SLC10A7: variants seen among roughly 807,000 people sequenced by gnomAD.
The protein encoded by SLC10A7 is sodium/bile acid cotransporter 7.
In SLC10A7, 29 loss-of-function variants were observed where a neutral mutation model predicts 43.2. The observed-to-expected ratio is 0.67, with a 90% CI of 0.50 to 0.92. The LOEUF (loss-of-function observed/expected upper bound fraction) is 0.92. SLC10A7 is among the 40% of genes least tolerant of loss of function. SLC10A7 has a pLI of 0.00. For missense variants in SLC10A7, 295 were observed against 403.2 expected (o/e 0.73, Z 2.30); for synonymous variants, 152 against 144.8 (o/e 1.05, Z -0.35).
At chr4:146,421,596 C>A (rs1403057715) in intron 5 of SLC10A7, among the ~76,000 whole-genome samples, 4 of 152,190 alleles carry the variant, frequency 2.6e-5, no homozygotes, top group Non-Finnish European at 4.4e-5. Context: ...TTCCACCAGC[C>A]ACCAAGAATG....
chr4:146,452,702 A>G (rs943633167), intron 4 of SLC10A7, among the ~76,000 whole-genome samples: 4 of 152,088 alleles, frequency 2.6e-5, no homozygotes, highest in Non-Finnish European at 4.4e-5. Context: ...AACATACCAC[A>G]GAAAAGTAAA....
chr4:146,470,372 A>G (rs1733454179), intron 4 of SLC10A7, among the ~76,000 whole-genome samples: 1 of 151,224 alleles, frequency 6.6e-6, no homozygotes, highest in South Asian at 2.1e-4. Flanking sequence ...ATAAATGTAC[A>G]TACGTATATA....
chr4:146,318,406 T>C (rs536695788), intron 6 of SLC10A7, among the ~76,000 whole-genome samples: 14 of 152,218 alleles, frequency 9.2e-5, no homozygotes, highest in African/African-American at 2.9e-4. Context: ...ACTGAAGTAG[T>C]TGATCACTCT....
chr4:146,506,963 CAAGGA>C (rs1317558817), intron 3 of SLC10A7, among the ~76,000 whole-genome samples: 1 of 152,006 alleles, frequency 6.6e-6, no homozygotes, highest in African/African-American at 2.4e-5. Flanking sequence ...GTATAATTGA[CAAGGA>C]AATATTATAA....
At chr4:146,321,366 G>C (rs1292764027) in intron 6 of SLC10A7, among the ~76,000 whole-genome samples, 1 of 152,002 alleles carries the variant, frequency 6.6e-6, no homozygotes, top group Non-Finnish European at 1.5e-5. Context: ...TTCCACCTGT[G>C]TGTCTCTACC....
chr4:146,469,812 T>C (rs538980417), intron 4 of SLC10A7, among the ~76,000 whole-genome samples: 19 of 152,114 alleles, frequency 1.2e-4, no homozygotes, highest in Middle Eastern at 3.4e-3. Flanking sequence ...AATTTTTTTG[T>C]AGAGATGAGG....
chr4:146,483,613 A>G (rs1734672378), intron 4 of SLC10A7, among the ~76,000 whole-genome samples: 1 of 152,158 alleles, frequency 6.6e-6, no homozygotes, highest in Non-Finnish European at 1.5e-5. Flanking sequence ...GTAAGTCCTT[A>G]CCTATCTCTA....
chr4:146,256,851 T>C (rs1727919662), intron 11 of SLC10A7: 4 of 1,536,018 alleles, frequency 2.6e-6, no homozygotes, highest in Middle Eastern at 1.7e-4. Context: ...TTGGTATTTA[T>C]TTTAATGCCC....
intron 5 of SLC10A7, among the ~76,000 whole-genome samples, chr4:146,327,344 A>G (rs1051101826): frequency 3.9e-5 from 6 of 152,376 alleles, no homozygotes; most frequent in African/African-American, 1.4e-4. Context: ...TTATTAAAAC[A>G]GGTATTGTGG....
chr4:146,482,537 G>A (rs1734566252), intron 4 of SLC10A7, among the ~76,000 whole-genome samples: 1 of 151,434 alleles, frequency 6.6e-6, no homozygotes, highest in South Asian at 2.1e-4. Flanking sequence ...AACCTGTGAA[G>A]TTGAAGAAAG....
chr4:146,362,098 A>G (rs185887515), intron 5 of SLC10A7, among the ~76,000 whole-genome samples: 1 of 152,320 alleles, frequency 6.6e-6, no homozygotes, highest in African/African-American at 2.4e-5. Flanking sequence ...AGACATAGAA[A>G]ATAGCCTCAA....
intron 8 of SLC10A7, 148 bp from the exon 9 acceptor site, chr4:146,293,128 A>C (rs1420918005): frequency 7.3e-6 from 4 of 548,692 alleles, no homozygotes; most frequent in Non-Finnish European, 1.3e-5. Flanking sequence ...TGCTAAATTG[A>C]AAGAATCATT....
intron 5 of SLC10A7, chr4:146,442,515 T>C: frequency 1.6e-6 from 2 of 1,265,238 alleles, no homozygotes; most frequent in Non-Finnish European, 2.0e-6. Flanking sequence ...TGACATAACC[T>C]CTATAAGGAG....
intron 5 of SLC10A7, among the ~76,000 whole-genome samples, chr4:146,333,260 T>C (rs1733658353): frequency 6.6e-6 from 1 of 152,170 alleles, no homozygotes; most frequent in Non-Finnish European, 1.5e-5. Flanking sequence ...ATTTGGCCTA[T>C]TATCTTTTCA....
chr4:146,473,208 T>A (rs1330017836), intron 4 of SLC10A7, among the ~76,000 whole-genome samples: 2 of 152,238 alleles, frequency 1.3e-5, no homozygotes, highest in South Asian at 2.1e-4. Context: ...GACAGATTAC[T>A]ACAACCGGCT....
chr4:146,441,810 A>G (rs1216385124), intron 5 of SLC10A7: 3 of 985,222 alleles, frequency 3.0e-6, no homozygotes, highest in African/African-American at 1.7e-5. Flanking sequence ...GCTATGTGAC[A>G]CTAAAAGCTG....
At chr4:146,401,464 C>T (rs888239077) in intron 5 of SLC10A7, among the ~76,000 whole-genome samples, 1 of 152,152 alleles carries the variant, frequency 6.6e-6, no homozygotes, top group African/African-American at 2.4e-5. Flanking sequence ...CTTTGTATTT[C>T]CCAATGCCCA....
chr4:146,506,399 T>C (rs1406137465), intron 3 of SLC10A7, among the ~76,000 whole-genome samples: 1 of 152,182 alleles, frequency 6.6e-6, no homozygotes, highest in East Asian at 1.9e-4. Flanking sequence ...GAAATATAGA[T>C]AACTAACAGC....
chr4:146,317,921 T>A (rs531271227), intron 6 of SLC10A7, among the ~76,000 whole-genome samples: 3 of 152,010 alleles, frequency 2.0e-5, no homozygotes, highest in Non-Finnish European at 2.9e-5. Flanking sequence ...AGCTTCCAGA[T>A]AGCAGATAGT....
Sources: allele counts gnomAD v4.1 joint callset (sites outside exome capture counted in the v4.1 genomes callset), GRCh38; gene constraint gnomAD v4.1.1; transcripts MANE v1.5; gene names NCBI Gene and HGNC (gene_info 2026-07-23, HGNC 2026-07-21).